The following OTUD4 variants were observed in gnomAD, a reference collection of about 807,000 sequenced individuals.
OTUD4 encodes OTU deubiquitinase 4.
In OTUD4, 24 loss-of-function variants were observed where a neutral mutation model predicts 130.4. That is an observed-to-expected ratio of 0.18 (90% CI 0.13 to 0.26). OTUD4 has a LOEUF of 0.26. Among genes scored for constraint, OTUD4 ranks in the 10% least tolerant of loss-of-function variants. The pLI, the probability that OTUD4 is intolerant of heterozygous loss-of-function variation, is 1.00. For missense variants in OTUD4, 1,031 were observed against 1,329.4 expected (o/e 0.78, Z 3.49); for synonymous variants, 420 against 472.5 (o/e 0.89, Z 1.44).
rs1579287396 is a variant in OTUD4 at position 145,170,534 on chromosome 4, A to C, written c.294+1136T>G. 2.6e-5 allele frequency among the ~76,000 whole-genome samples: 4 copies of C among 152,364 alleles called. No homozygotes were observed. In the South Asian group the frequency reaches 8.3e-4, roughly 32 times the overall value. On this transcript the variant is annotated intron_variant, in intron 3 of 20. Transcript: ENST00000447906. ...AAATAACACTTTGAATGCCTACAGC[A>C]TCACAGCTATATACCTCTTGTGACA...
At chr4:145,147,890 A>G (rs1381910015) in intron 13 of OTUD4, among the ~76,000 whole-genome samples, 2 of 152,230 alleles carry the variant, frequency 1.3e-5, no homozygotes, top group African/African-American at 2.4e-5. Flanking sequence ...ATAAAATTCT[A>G]AAATCTGACT....
chr4:145,151,496 G>A (rs574219377), intron 11 of OTUD4, among the ~76,000 whole-genome samples: 13 of 152,056 alleles, frequency 8.5e-5, no homozygotes, highest in South Asian at 2.1e-4. Context: ...TTAGCCGGGC[G>A]TAGTGACACA....
At chr4:145,151,197 G>A (rs1751048495) in intron 11 of OTUD4, among the ~76,000 whole-genome samples, 1 of 152,180 alleles carries the variant, frequency 6.6e-6, no homozygotes, top group Admixed American at 6.5e-5. Context: ...TAATGGTACT[G>A]TAGTTAAGGT....
intron 3 of OTUD4, among the ~76,000 whole-genome samples, chr4:145,168,426 A>AT: frequency 6.7e-6 from 1 of 150,070 alleles, no homozygotes; most frequent in Non-Finnish European, 1.5e-5. Flanking sequence ...AAAAAAAAAA[A>AT]AAGAAAATGG....
chr4:145,174,522 AT>A, intron 2 of OTUD4, 138 bp downstream of exon 2: 1 of 589,594 alleles, frequency 1.7e-6, no homozygotes, highest in Non-Finnish European at 3.1e-6. Context: ...ATTAAGTTCA[AT>A]AGAGAAGTTT....
intron 5 of OTUD4, among the ~76,000 whole-genome samples, chr4:145,162,948 A>G (rs956237384): frequency 1.6e-4 from 24 of 152,222 alleles, no homozygotes; most frequent in African/African-American, 4.8e-4. Flanking sequence ...GGAAATGTTT[A>G]TAGGATCACA....
intron 18 of OTUD4, 129 bp from the exon 19 acceptor site, chr4:145,141,768 C>CTTTTAGGTAT: frequency 1.4e-6 from 1 of 738,776 alleles, no homozygotes; most frequent in Non-Finnish European, 2.1e-6. Flanking sequence ...TTAGTATCAA[C>CTTTTAGGTAT]CAAGAGCCCT....
rs2126726774 is a variant in OTUD4 at position 145,135,161 on chromosome 4, G to A, written c.*2269C>T. ...CAAAAGTCAGTTCTTTTATTCCAGA[G>A]GTCACTGAGAAAAGTACCATCTGCT... On this transcript the variant is annotated 3_prime_UTR_variant, in exon 21 of 21. Coordinates refer to ENST00000447906, the MANE Select transcript of OTUD4 (RefSeq NM_001366057.1). 3.8e-6 allele frequency: 1 copy of A among 262,250 alleles called. No homozygotes were observed. The highest frequency in any genetic ancestry group is 2.2e-5 in the African/African-American group (1 of 45,656). The allele number at this position is 262,250 out of a possible 1,614,324, so 16.2% of individuals were successfully genotyped here.
chr4:145,155,854 A>G, intron 8 of OTUD4, 82 bp downstream of exon 8: 1 of 1,248,734 alleles, frequency 8.0e-7, no homozygotes, highest in Non-Finnish European at 1.1e-6. Context: ...ATGTACCAGA[A>G]AAAAGAAAAA....
intron 1 of OTUD4, among the ~76,000 whole-genome samples, chr4:145,176,480 GTTT>G (rs1752431406): frequency 6.7e-6 from 1 of 149,952 alleles, no homozygotes; most frequent in African/African-American, 2.4e-5. Flanking sequence ...GAGGTCAGGA[GTTT>G]GAGACTAGCC....
At chr4:145,145,022 C>T (rs1052823617) in intron 14 of OTUD4, among the ~76,000 whole-genome samples, 6 of 152,008 alleles carry the variant, frequency 3.9e-5, no homozygotes, top group African/African-American at 1.4e-4. Context: ...GGATCTCAGC[C>T]CTCTCTAACA....
At chr4:145,175,411 C>A (rs1752369984) in intron 1 of OTUD4, among the ~76,000 whole-genome samples, 1 of 152,174 alleles carries the variant, frequency 6.6e-6, no homozygotes, top group Non-Finnish European at 1.5e-5. Flanking sequence ...AAAGTACCAA[C>A]CTACAAAGTA....
intron 7 of OTUD4, chr4:145,159,296 C>T: frequency 3.7e-6 from 5 of 1,366,092 alleles, no homozygotes; most frequent in Non-Finnish European, 3.8e-6. Flanking sequence ...CAACCAAAAA[C>T]ACCAACTTTC....
rs551691069 is a variant in OTUD4, at chr4:145,134,041, A to C, written c.*3389T>G. ...ATCCATTCAAGTAAGTTCAACCCCA[A>C]AGTTGCCGCTTCCCAGCATTAAGAC... On this transcript the variant is annotated 3_prime_UTR_variant, in exon 21 of 21. Transcript: ENST00000447906. 2 of 152,564 alleles carry C rather than the reference A, an allele frequency of 1.3e-5. No individual in the cohort carries two copies. The highest frequency in any genetic ancestry group is 2.9e-5 in the Non-Finnish European group (2 of 68,020). The allele number at this position is 152,564 out of a possible 1,614,324, so 9.5% of individuals were successfully genotyped here. A position where few individuals can be genotyped will look rare whatever the true frequency, so the allele number is the denominator to read the frequency against.
intron 3 of OTUD4, among the ~76,000 whole-genome samples, chr4:145,167,118 A>T (rs1751917814): frequency 2.0e-5 from 3 of 152,196 alleles, no homozygotes; most frequent in African/African-American, 7.2e-5. Flanking sequence ...TTTATTCTAT[A>T]ATACATCTAT....
chr4:145,138,817 A>C (rs1191457348), intron 20 of OTUD4, among the ~76,000 whole-genome samples, 167 bp from the exon 21 acceptor site: 1 of 152,228 alleles, frequency 6.6e-6, no homozygotes, highest in Non-Finnish European at 1.5e-5. Context: ...CGTGAAAATG[A>C]ATTACAAAAT....
chr4:145,152,720 T>A, intron 10 of OTUD4, 85 bp from the exon 11 acceptor site: 1 of 614,618 alleles, frequency 1.6e-6, no homozygotes, highest in African/African-American at 1.9e-5. Flanking sequence ...TTGCGGTTCT[T>A]TTTTTTTTTT....
intron 7 of OTUD4, among the ~76,000 whole-genome samples, chr4:145,156,468 G>A (rs533289642): frequency 1.1e-4 from 17 of 152,280 alleles, no homozygotes; most frequent in South Asian, 4.1e-4. Flanking sequence ...CAGATCACCT[G>A]AGTTTGAGAG....
At chr4:145,175,795 G>C (rs548661658) in intron 1 of OTUD4, among the ~76,000 whole-genome samples, 2 of 150,972 alleles carry the variant, frequency 1.3e-5, no homozygotes, top group South Asian at 4.2e-4. Context: ...CGCCCACCTC[G>C]ACCTCCCAAT....
Sources: allele counts gnomAD v4.1 joint callset (sites outside exome capture counted in the v4.1 genomes callset), GRCh38; gene constraint gnomAD v4.1.1; transcripts MANE v1.5; gene names NCBI Gene and HGNC (gene_info 2026-07-23, HGNC 2026-07-21).